Variants in NPHP4 observed in about 807,000 individuals in gnomAD.
The protein encoded by NPHP4 is nephrocystin 4.
Under a neutral mutation model 155.8 loss-of-function variants are expected in NPHP4, and 151 were observed. That is an observed-to-expected ratio of 0.97 (90% CI 0.85 to 1.11). The LOEUF (loss-of-function observed/expected upper bound fraction) is 1.11, where lower values mean the gene tolerates loss of function less well. Among genes scored for constraint, NPHP4 ranks in the 50% least tolerant of loss-of-function variants. NPHP4 has a pLI of 0.00. For missense variants in NPHP4, 1,956 were observed against 1,925.7 expected (o/e 1.02, Z -0.29); for synonymous variants, 845 against 816.8 (o/e 1.03, Z -0.59).
chr1:5,991,051 G>A (rs979901823), intron 1 of NPHP4, among the ~76,000 whole-genome samples: 1 of 152,152 alleles, frequency 6.6e-6, no homozygotes, highest in African/African-American at 2.4e-5. Context: ...GAGGTGAGCA[G>A]GGCTGAAGGA....
At chr1:5,864,214 C>G in intron 28 of NPHP4, 124 bp downstream of exon 28, 1 of 1,152,788 alleles carries the variant, frequency 8.7e-7, no homozygotes, top group Non-Finnish European at 1.2e-6. Context: ...CACTCATGCA[C>G]CCGGCCCTGC....
Position 5,867,932 on chromosome 1 carries a change from C to T in NPHP4, c.3316-36G>A, listed in dbSNP as rs762178601. On this transcript the variant is annotated intron_variant, in intron 23 of 29. Coordinates refer to ENST00000378156, the MANE Select transcript of NPHP4 (RefSeq NM_015102.5). The surrounding 1 kb of genome is among the most constrained non-coding windows in gnomAD (Gnocchi z 4.1). ...GCCACGCTGAGTGTTGGGATGGGCA[C>T]GAGGCTTGTGAGCAGCTTCTTGTCC... is the stretch of plus-strand genomic sequence containing the variant. The T allele has an allele frequency of 3.5e-5, 57 of 1,612,788 alleles. No homozygotes were observed. The highest frequency in any genetic ancestry group is 2.6e-4 in the South Asian group (24 of 91,038).
At chr1:5,918,421 G>T (rs189493143) in intron 11 of NPHP4, among the ~76,000 whole-genome samples, 55 of 152,294 alleles carry the variant, frequency 3.6e-4, no homozygotes, top group African/African-American at 1.3e-3. Flanking sequence ...GAAAATTGCA[G>T]AATCTTAAAT....
rs1363507394 is a variant in NPHP4, at chr1:5,912,594, T to C, written c.1442-3381A>G. ...AGAAAAATGAAAGAAACCCACAGTG[T>C]ATACGGGTGTGCTGGCAAACTCGTG... is the stretch of plus-strand genomic sequence containing the variant. On this transcript the variant is annotated intron_variant, in intron 11 of 29. Transcript: ENST00000378156. 2.0e-5 allele frequency among the ~76,000 whole-genome samples: 3 copies of C among 150,974 alleles called. No homozygotes were observed. In the East Asian group the frequency reaches 5.9e-4, roughly 30 times the overall value.
At chr1:5,903,678 A>C (rs1644780138) in intron 16 of NPHP4, among the ~76,000 whole-genome samples, 1 of 152,242 alleles carries the variant, frequency 6.6e-6, no homozygotes. Flanking sequence ...AAATTGGCAA[A>C]TAAAGGGAAG....
chr1:5,868,255 T>A (rs566434664), intron 23 of NPHP4: 18 of 374,918 alleles, frequency 4.8e-5, no homozygotes, highest in African/African-American at 3.8e-4. Context: ...CCTGTGTGCA[T>A]GTGCGCAAGT....
intron 18 of NPHP4, chr1:5,886,963 G>C (rs1477934658): frequency 3.4e-6 from 1 of 289,958 alleles, no homozygotes; most frequent in African/African-American, 2.2e-5. Context: ...GAGGCACAGG[G>C]AAGTCTCTCC....
At chr1:5,869,161 C>T (rs893815612) in intron 23 of NPHP4, among the ~76,000 whole-genome samples, 12 of 147,998 alleles carry the variant, frequency 8.1e-5, no homozygotes, top group South Asian at 2.2e-4. Context: ...TGCACACACA[C>T]GCACCCACAT....
In NPHP4 at chr1:5,907,224, TGGAAGGAAAGA is replaced by T. The variant is rs1644953082; in HGVS notation, c.1504-13_1504-3del. 1 of 1,568,096 alleles carries T rather than the reference TGGAAGGAAAGA, an allele frequency of 6.4e-7. No individual in the cohort carries two copies. Among genetic ancestry groups the T allele is most frequent in the Admixed American group, 1.8e-5 (1 of 54,092 alleles). ...GGCCGCCAGCTGGGAAATTGACAAC[TGGAAGGAAAGA>T]GAGCACAGGTGAGGGGCTCAGAAGC... On this transcript the variant is annotated splice_polypyrimidine_tract_variant and splice_region_variant and intron_variant, in intron 12 of 29. Coordinates refer to ENST00000378156, the MANE Select transcript of NPHP4 (RefSeq NM_015102.5).
rs774737760 is a variant in NPHP4, at chr1:5,877,110, G to A, written c.2800C>T (p.Arg934Cys). The A allele has an allele frequency of 1.1e-4, 180 of 1,579,420 alleles. No individual in the cohort carries two copies. The highest frequency in any genetic ancestry group is 1.4e-4 in the Non-Finnish European group (164 of 1,154,860). Residue 934 changes from arginine (R) to cysteine (C), a missense_variant, in exon 20 of 30, where the codon CGC becomes TGC. By Grantham distance (180) the Arg-to-Cys change is radical (BLOSUM62 -3). Coordinates refer to ENST00000378156, the MANE Select transcript of NPHP4 (RefSeq NM_015102.5). ...ACCCTTACCAACACGCTCGTCCCGC[G>A]CCGGCCCAAGTCTCCCCCGGCCTCC... The part of the protein sequence containing the change: ...LQEAGGDLGR[R>C]GTSVLAQQSV...
chr1:5,984,961 C>A (rs559994968), intron 2 of NPHP4, among the ~76,000 whole-genome samples: 94 of 152,268 alleles, frequency 6.2e-4, no homozygotes, highest in Admixed American at 1.4e-3. Flanking sequence ...GTCTATAAAA[C>A]GGGAGTAAGG....
At chr1:5,950,763 T>C (rs931391162) in intron 7 of NPHP4, among the ~76,000 whole-genome samples, 1 of 152,084 alleles carries the variant, frequency 6.6e-6, no homozygotes, top group Non-Finnish European at 1.5e-5. Context: ...TGCAGGCCCA[T>C]GAAGATTTTC....
intron 16 of NPHP4, among the ~76,000 whole-genome samples, chr1:5,896,777 G>A (rs1222845545): frequency 6.6e-6 from 1 of 152,154 alleles, no homozygotes; most frequent in Non-Finnish European, 1.5e-5. Context: ...GCTCCTCAGA[G>A]AAACGGGCCC....
chr1:5,992,023 C>A lies in NPHP4; in HGVS notation c.-39+221G>T, dbSNP rs573710221. 5.1e-3 allele frequency among the ~76,000 whole-genome samples: 767 copies of A among 150,822 alleles called. 10 individuals are homozygous for A. The highest frequency in any genetic ancestry group is 0.018 in the African/African-American group (730 of 40,860). On this transcript the variant is annotated intron_variant, in intron 1 of 29. Transcript: ENST00000378156. ...ACCCAGCGGCCCCGACCCCAAGTGT[C>A]CCGACGAGGGGGGACGCCTGCGACT...
chr1:5,872,873 G>A (rs747324521), intron 23 of NPHP4, among the ~76,000 whole-genome samples: 18 of 152,210 alleles, frequency 1.2e-4, no homozygotes, highest in Non-Finnish European at 2.4e-4. Flanking sequence ...ACGTAACCAA[G>A]GACTACGTCT....
chr1:5,958,760 G>A (rs1649722935), intron 6 of NPHP4, among the ~76,000 whole-genome samples: 1 of 149,556 alleles, frequency 6.7e-6, no homozygotes. Flanking sequence ...TCAGGAGGCT[G>A]AGGTGGGAGA....
Position 5,905,528 on chromosome 1 carries a change from AC to A in NPHP4, c.1764-46del. ...CAGGTAGCCTCCCGGGAAAGGGGGG[AC>A]CCATTGATGCACCTCCCTGTGGAAA... On this transcript the variant is annotated intron_variant, in intron 14 of 29. Transcript: ENST00000378156. This position sits in a 1 kb window ranked among gnomAD's most constrained non-coding sequence, Gnocchi z 4.0. 6.3e-7 allele frequency: 1 copy of A among 1,594,836 alleles called. No homozygotes were observed. Among genetic ancestry groups the A allele is most frequent in the South Asian group, 1.1e-5 (1 of 90,328 alleles).
intron 23 of NPHP4, among the ~76,000 whole-genome samples, chr1:5,870,798 C>T (rs1469419040): frequency 6.6e-6 from 1 of 152,218 alleles, no homozygotes; most frequent in Non-Finnish European, 1.5e-5. Context: ...CTAACTGAAA[C>T]GAACACCAGA....
intron 7 of NPHP4, among the ~76,000 whole-genome samples, chr1:5,949,014 C>T (rs920241126): frequency 2.0e-5 from 3 of 152,066 alleles, no homozygotes; most frequent in Non-Finnish European, 4.4e-5. Context: ...CTAAATTCAG[C>T]CTATTAGTCT....
Sources: allele counts gnomAD v4.1 joint callset (sites outside exome capture counted in the v4.1 genomes callset), GRCh38; gene constraint gnomAD v4.1.1; non-coding constraint Gnocchi (gnomAD v3.1); transcripts MANE v1.5; gene names NCBI Gene and HGNC (gene_info 2026-07-23, HGNC 2026-07-21).